PTPRG: variants seen among roughly 807,000 people sequenced by gnomAD.
PTPRG encodes receptor-type tyrosine-protein phosphatase gamma.
In PTPRG, 102 loss-of-function variants were observed where a neutral mutation model predicts 165.3. The ratio of observed to expected loss-of-function variants is 0.62; its 90% CI spans 0.53 to 0.73. The LOEUF (loss-of-function observed/expected upper bound fraction) is 0.73. PTPRG is among the 30% of genes least tolerant of loss of function. The pLI is 0.00. For synonymous variants in PTPRG, 675 were observed against 669.5 expected (o/e 1.01, Z -0.13); for missense variants, 1,866 against 1,861.4 (o/e 1.00, Z -0.05).
chr3:61,745,051 C>CTTTTTTTTTTTTTTTTTT (rs10669472), intron 1 of PTPRG, among the ~76,000 whole-genome samples: 1 of 111,624 alleles, frequency 9.0e-6, no homozygotes, highest in African/African-American at 3.4e-5. Context: ...CATTCCCTCA[C>CTTTTTTTTTTTTTTTTTT]TTTTTTTTTT....
At chr3:62,150,713 C>T (rs1704302627) in intron 6 of PTPRG, among the ~76,000 whole-genome samples, 1 of 152,134 alleles carries the variant, frequency 6.6e-6, no homozygotes, top group African/African-American at 2.4e-5. Flanking sequence ...ACCAAATAAT[C>T]ATTGGGCTAA....
At chr3:62,182,181 A>G (rs1167876132) in intron 8 of PTPRG, among the ~76,000 whole-genome samples, 1 of 152,142 alleles carries the variant, frequency 6.6e-6, no homozygotes, top group Non-Finnish European at 1.5e-5. Flanking sequence ...AGGAGGAGAA[A>G]GAAGAGGAGG....
At chr3:61,995,200 T>C (rs1471591918) in intron 3 of PTPRG, among the ~76,000 whole-genome samples, 2 of 151,138 alleles carry the variant, frequency 1.3e-5, no homozygotes, top group Admixed American at 6.6e-5. Context: ...GTGATTCTTA[T>C]GTCCCAGCCT....
intron 2 of PTPRG, among the ~76,000 whole-genome samples, chr3:61,986,351 T>C (rs895080159): frequency 6.6e-6 from 1 of 152,144 alleles, no homozygotes; most frequent in Non-Finnish European, 1.5e-5. Context: ...CATTTAGATA[T>C]AAATGGTAAA....
chr3:61,986,292 A>G (rs1169061944), intron 2 of PTPRG, among the ~76,000 whole-genome samples: 1 of 152,196 alleles, frequency 6.6e-6, no homozygotes, highest in African/African-American at 2.4e-5. Flanking sequence ...GTTGTACAAG[A>G]TACAGAAGGA....
chr3:61,696,875 A>G lies in PTPRG; in HGVS notation c.86-52003A>G, dbSNP rs148476577. On this transcript the variant is annotated intron_variant, in intron 1 of 29. Transcript: ENST00000474889. ...CTGGGGTTTAAATATTGCCTTCTCC[A>G]CTGATAACGGTCTTGTGACCTGAAA... is the stretch of plus-strand genomic sequence containing the variant. 3.3e-5 allele frequency among the ~76,000 whole-genome samples: 5 copies of G among 152,292 alleles called. No homozygotes were observed. The East Asian group carries it at 7.7e-4, about 24-fold the overall frequency.
At chr3:61,830,174 T>C (rs1227382136) in intron 2 of PTPRG, among the ~76,000 whole-genome samples, 1 of 152,228 alleles carries the variant, frequency 6.6e-6, no homozygotes, top group Non-Finnish European at 1.5e-5. Context: ...TGTGATGTCA[T>C]GTGGCATAAC....
At position 62,213,808 on chromosome 3, in the gene PTPRG, G is replaced by A. The variant is rs538483469; in HGVS notation, c.2156-5043G>A. Among the ~76,000 whole-genome samples, 2 of 152,178 alleles carry A rather than the reference G, an allele frequency of 1.3e-5. No individual in the cohort carries two copies. The highest frequency in any genetic ancestry group is 1.3e-4 in the Admixed American group (2 of 15,286). On this transcript the variant is annotated intron_variant, in intron 12 of 29. Coordinates refer to ENST00000474889, the MANE Select transcript of PTPRG (RefSeq NM_002841.4). The surrounding 1 kb of genome is among the most constrained non-coding windows in gnomAD (Gnocchi z 4.4). ...GGGTGTATACTCAGGGCCACATTTT[G>A]TGTGTTGTAGTAGTCCTAGCAGCTT... is the stretch of plus-strand genomic sequence containing the variant.
intron 4 of PTPRG, among the ~76,000 whole-genome samples, chr3:62,059,738 G>T (rs1014176383): frequency 6.6e-6 from 1 of 152,124 alleles, no homozygotes; most frequent in African/African-American, 2.4e-5. Flanking sequence ...CACATGTCAT[G>T]GGAGGAACCT....
chr3:61,780,196 T>C (rs2034504863), intron 2 of PTPRG, among the ~76,000 whole-genome samples: 1 of 152,232 alleles, frequency 6.6e-6, no homozygotes. Context: ...AATCAAGTGA[T>C]GACAAGTTAC....
intron 5 of PTPRG, among the ~76,000 whole-genome samples, chr3:62,110,089 C>CTTTTTTTTTTTTTTTTTT (rs371457716): frequency 1.3e-5 from 1 of 79,962 alleles, no homozygotes; most frequent in Non-Finnish European, 2.3e-5. Flanking sequence ...GAAATAATGG[C>CTTTTTTTTTTTTTTTTTT]TTTTTTTTTT....
At chr3:62,070,462 T>C (rs1047800994) in intron 4 of PTPRG, among the ~76,000 whole-genome samples, 1 of 152,220 alleles carries the variant, frequency 6.6e-6, no homozygotes, top group Non-Finnish European at 1.5e-5. Flanking sequence ...TCCCACTCAT[T>C]TTATTCATTC....
In PTPRG at chr3:61,748,865, T is replaced by C. The variant is rs3821880; in HGVS notation, c.86-13T>C. Reference sequence around the variant, plus strand: ...GCTGCCTTTGTCTCATTGTGGGTTTTCCTCTCTTCCAGCGTTGACAGAAGG... The same window carrying C: ...GCTGCCTTTGTCTCATTGTGGGTTTCCCTCTCTTCCAGCGTTGACAGAAGG... On this transcript the variant is annotated splice_polypyrimidine_tract_variant and intron_variant, in intron 1 of 29. Coordinates refer to ENST00000474889, the MANE Select transcript of PTPRG (RefSeq NM_002841.4). 905,590 of 1,608,846 alleles carry C rather than the reference T, an allele frequency of 0.56. 256,794 individuals are homozygous for C. The highest frequency in any genetic ancestry group is 0.73 in the East Asian group (32,834 of 44,804).
At chr3:62,162,612 A>G (rs1283853908) in intron 7 of PTPRG, among the ~76,000 whole-genome samples, 5 of 152,162 alleles carry the variant, frequency 3.3e-5, no homozygotes, top group African/African-American at 1.2e-4. Context: ...GGCTATTGGC[A>G]GTTTCTATTC....
At chr3:62,111,913 T>A (rs1461466232) in intron 5 of PTPRG, among the ~76,000 whole-genome samples, 3 of 152,258 alleles carry the variant, frequency 2.0e-5, no homozygotes, top group Non-Finnish European at 2.9e-5. Flanking sequence ...TGTATGAATC[T>A]GTAGGACTTA....
chr3:61,854,912 A>G (rs888762183), intron 2 of PTPRG, among the ~76,000 whole-genome samples: 10 of 148,580 alleles, frequency 6.7e-5, no homozygotes, highest in Non-Finnish European at 1.4e-4. Context: ...GCCAAATTCT[A>G]TGTTTTAGCA....
chr3:61,779,335 A>G (rs1284270875), intron 2 of PTPRG, among the ~76,000 whole-genome samples: 2 of 151,892 alleles, frequency 1.3e-5, no homozygotes, highest in Non-Finnish European at 2.9e-5. Flanking sequence ...TCCCAAGTCT[A>G]ATTTTAAGAG....
intron 13 of PTPRG, among the ~76,000 whole-genome samples, chr3:62,230,651 C>G (rs1344130645): frequency 6.6e-6 from 1 of 152,168 alleles, no homozygotes; most frequent in Non-Finnish European, 1.5e-5. Context: ...TAATAACTTG[C>G]CAACTGCTGT....
In PTPRG at chr3:61,580,646, G is replaced by T. The variant is rs112766566; in HGVS notation, c.85+18274G>T. 4.7e-3 allele frequency among the ~76,000 whole-genome samples: 715 copies of T among 152,116 alleles called. 5 individuals carry two copies. The highest frequency in any genetic ancestry group is 0.016 in the African/African-American group (682 of 41,484). Reference sequence around the variant, plus strand: ...CAATGCGCCCGGCCATCTGATTTATGGTTGATAAAATACTATAATGTATTT... The same window carrying T: ...CAATGCGCCCGGCCATCTGATTTATTGTTGATAAAATACTATAATGTATTT... On this transcript the variant is annotated intron_variant, in intron 1 of 29. Coordinates refer to ENST00000474889, the MANE Select transcript of PTPRG (RefSeq NM_002841.4).
Sources: gnomAD v4.1 joint callset for allele counts (sites outside exome capture counted in the v4.1 genomes callset) on GRCh38, gnomAD v4.1.1 for gene constraint, Gnocchi (gnomAD v3.1) non-coding constraint, MANE v1.5 for transcripts, NCBI Gene and HGNC (gene_info 2026-07-23, HGNC 2026-07-21) for gene names.